INTS6: variants seen among roughly 807,000 people sequenced by gnomAD.
INTS6 encodes the protein integrator complex subunit 6, also known as DEAD box protein.
In INTS6, 16 loss-of-function variants were observed where a neutral mutation model predicts 104.9. The ratio of observed to expected loss-of-function variants is 0.15; its 90% CI spans 0.10 to 0.23. INTS6 has a LOEUF of 0.23. INTS6 is among the 10% of genes least tolerant of loss of function. The pLI is 1.00. For synonymous variants in INTS6, 324 were observed against 358.7 expected (o/e 0.90, Z 1.09); for missense variants, 584 against 1,062.8 (o/e 0.55, Z 6.26).
At chr13:51,384,246 C>T (rs1956100698) in intron 7 of INTS6, 1 of 158,338 alleles carries the variant, frequency 6.3e-6, no homozygotes, top group African/African-American at 2.4e-5. Context: ...TCTAATGTTT[C>T]CTTCCCTATT....
chr13:51,353,550 A>G (rs1441066112), downstream of INTS6, among the ~76,000 whole-genome samples: 1 of 152,238 alleles, frequency 6.6e-6, no homozygotes, highest in African/African-American at 2.4e-5. Flanking sequence ...TCCCAAGTCC[A>G]TGCTCATAAC....
intron 4 of INTS6, among the ~76,000 whole-genome samples, chr13:51,404,291 A>G: frequency 7.2e-6 from 1 of 139,672 alleles, no homozygotes; most frequent in East Asian, 2.1e-4. Context: ...ACAAGCAAAA[A>G]CTAAAAAAAA....
At chr13:51,385,968 T>C (rs991696125) in intron 7 of INTS6, among the ~76,000 whole-genome samples, 4 of 152,188 alleles carry the variant, frequency 2.6e-5, no homozygotes, top group Non-Finnish European at 5.9e-5. Flanking sequence ...CTCTTTGAAC[T>C]CCACTGTTTA....
chr13:51,433,490 T>C (rs1957134856), intron 3 of INTS6, among the ~76,000 whole-genome samples: 2 of 152,164 alleles, frequency 1.3e-5, no homozygotes, highest in African/African-American at 4.8e-5. Flanking sequence ...CTGACACCCA[T>C]TCACTTTTAT....
chr13:51,436,157 C>T (rs1413717875), intron 3 of INTS6, among the ~76,000 whole-genome samples: 1 of 152,056 alleles, frequency 6.6e-6, no homozygotes, highest in Non-Finnish European at 1.5e-5. Flanking sequence ...ACTGATTAGC[C>T]ATGGTTGCCT....
At chr13:51,367,277 C>T (rs576912037) in intron 17 of INTS6, among the ~76,000 whole-genome samples, 1 of 151,854 alleles carries the variant, frequency 6.6e-6, no homozygotes, top group Non-Finnish European at 1.5e-5. Context: ...CATCCATTTC[C>T]CCGCCTCCAA....
chr13:51,414,769 A>T (rs1458022418), intron 4 of INTS6, among the ~76,000 whole-genome samples: 3 of 151,848 alleles, frequency 2.0e-5, no homozygotes. Flanking sequence ...TGTAAGTACT[A>T]TCAGGCCTTT....
chr13:51,421,705 C>T (rs1366899507), intron 4 of INTS6, among the ~76,000 whole-genome samples: 1 of 152,110 alleles, frequency 6.6e-6, no homozygotes, highest in Non-Finnish European at 1.5e-5. Context: ...AAACCACATA[C>T]TCAACATTTT....
In INTS6 at chr13:51,368,885, C is replaced by CT. The variant is rs1955744016; in HGVS notation, c.2476+53dup. The stretch of plus-strand genomic sequence containing the variant: ...TACTTGACTTTTTTTTTCTTTTTTG[C>CT]TTTTTGAGCACATACAGAAATCAGA... On this transcript the variant is annotated intron_variant, in intron 16 of 17. Transcript: ENST00000311234. The CT allele has an allele frequency of 3.4e-6, 5 of 1,484,932 alleles. No individual in the cohort carries two copies. In the African/African-American group the frequency reaches 7.1e-5, roughly 21 times the overall value. 92.0% of individuals were successfully genotyped at this position (1,484,932 alleles called of 1,614,324 possible).
intron 4 of INTS6, among the ~76,000 whole-genome samples, chr13:51,427,465 T>C (rs147251348): frequency 1.3e-5 from 2 of 152,076 alleles, no homozygotes; most frequent in Non-Finnish European, 1.5e-5. Flanking sequence ...ATTGAAAAGC[T>C]CCTTAAAACA....
At chr13:51,376,223 C>T (rs1003192287) in intron 12 of INTS6, 49 bp from the exon 13 acceptor site, 3 of 1,494,428 alleles carry the variant, frequency 2.0e-6, no homozygotes, top group Non-Finnish European at 2.7e-6. Context: ...CATAGAATTA[C>T]AAGAGACTAA....
At chr13:51,431,465 T>G (rs1217432837) in intron 3 of INTS6, among the ~76,000 whole-genome samples, 1 of 152,176 alleles carries the variant, frequency 6.6e-6, no homozygotes, top group African/African-American at 2.4e-5. Flanking sequence ...AAGACACTAA[T>G]AGCCACAGAC....
the INTS6 span, among the ~76,000 whole-genome samples, chr13:51,340,321 T>G: frequency 8.9e-3 from 1,362 of 152,356 alleles, 16 homozygotes; most frequent in Non-Finnish European, 0.011. Context: ...GTTAATGATC[T>G]CTCTTCCTTG....
Position 51,387,539 on chromosome 13 carries a change from A to G in INTS6, c.741T>C (p.Asp247=), listed in dbSNP as rs549737690. Residue 247 remains aspartate, a splice_region_variant and synonymous_variant, in exon 7 of 18, where the codon GAT becomes GAC. Transcript: ENST00000311234. ...KAGPDPSPVE[D]GQPDISRPFG... is the part of the protein sequence containing the mutation. The stretch of plus-strand genomic sequence containing the variant: ...AAGGCCTTGATATATCTGGCTGCCC[A>G]TCTATAGCAAAGAAATTAAGACAAA... 3 of 1,603,394 alleles carry G rather than the reference A, an allele frequency of 1.9e-6. No homozygotes were observed. The highest frequency in any genetic ancestry group is 2.3e-5 in the East Asian group (1 of 44,440).
At chr13:51,391,281 G>A (rs1361319401) in intron 5 of INTS6, among the ~76,000 whole-genome samples, 2 of 151,962 alleles carry the variant, frequency 1.3e-5, no homozygotes, top group Non-Finnish European at 2.9e-5. Flanking sequence ...AAATTTTAAA[G>A]TATATAAACT....
chr13:51,419,452 A>G (rs565655857), intron 4 of INTS6, among the ~76,000 whole-genome samples: 2 of 152,322 alleles, frequency 1.3e-5, no homozygotes, highest in African/African-American at 4.8e-5. Flanking sequence ...AGCTATCAAT[A>G]CTGAGGTACA....
At chr13:51,405,784 G>C (rs1035672776) in intron 4 of INTS6, among the ~76,000 whole-genome samples, 1 of 152,228 alleles carries the variant, frequency 6.6e-6, no homozygotes, top group Admixed American at 6.5e-5. Context: ...CAAAGCCCCA[G>C]ACATATAAAT....
Position 51,405,114 on chromosome 13 carries a change from C to G in INTS6, c.430-9631G>C, listed in dbSNP as rs143978077. Among the ~76,000 whole-genome samples, 23 of 152,274 alleles carry G rather than the reference C, an allele frequency of 1.5e-4. No individual in the cohort carries two copies. The East Asian group carries it at 4.4e-3, about 29-fold the overall frequency. ...TAATAAGTTTACTGAGAATCCAGAA[C>G]CTCATGCAAGTTAGGGAGTAATGAA... On this transcript the variant is annotated intron_variant, in intron 4 of 17. Coordinates refer to ENST00000311234, the MANE Select transcript of INTS6 (RefSeq NM_012141.3).
chr13:51,420,927 TAGC>T (rs1260511418), intron 4 of INTS6, among the ~76,000 whole-genome samples: 2 of 152,300 alleles, frequency 1.3e-5, no homozygotes, highest in African/African-American at 4.8e-5. Context: ...ATCTTAAGCT[TAGC>T]AAGGTGGTTC....
Sources: allele counts gnomAD v4.1 joint callset (sites outside exome capture counted in the v4.1 genomes callset), GRCh38; gene constraint gnomAD v4.1.1; transcripts MANE v1.5; gene names NCBI Gene and HGNC (gene_info 2026-07-23, HGNC 2026-07-21).